Variants in WDPCP observed in about 807,000 individuals in gnomAD.
WDPCP encodes the protein WD repeat containing planar cell polarity effector.
A neutral mutation model predicts 93.1 loss-of-function variants in WDPCP; 71 were observed. The observed-to-expected ratio is 0.76, with a 90% CI of 0.63 to 0.93. The LOEUF is 0.93. WDPCP is among the 40% of genes least tolerant of loss of function. The pLI, the probability that WDPCP is intolerant of heterozygous loss-of-function variation, is 0.00. For missense variants in WDPCP, 844 were observed against 887.4 expected (o/e 0.95, Z 0.62); for synonymous variants, 315 against 315.0 (o/e 1.00, Z 0.00).
intron 6 of WDPCP, among the ~76,000 whole-genome samples, chr2:63,472,825 G>C (rs1173864558): frequency 2.0e-5 from 3 of 152,200 alleles, no homozygotes; most frequent in African/African-American, 7.2e-5. Flanking sequence ...CCCCCAAAGT[G>C]CTAGGATTAC....
At chr2:63,547,805 G>C (rs1055630256) in intron 1 of WDPCP, among the ~76,000 whole-genome samples, 1 of 151,802 alleles carries the variant, frequency 6.6e-6, no homozygotes, top group Admixed American at 6.6e-5. Context: ...GGTACCAGAG[G>C]CTGGGAAGGT....
intron 15 of WDPCP, among the ~76,000 whole-genome samples, chr2:63,163,245 C>G (rs1035416161): frequency 3.9e-5 from 6 of 152,280 alleles, no homozygotes; most frequent in African/African-American, 1.4e-4. Flanking sequence ...GCTATAGAGT[C>G]AGTGAAAACG....
chr2:63,121,899 T>C lies in WDPCP; in HGVS notation c.*107A>G. On this transcript the variant is annotated 3_prime_UTR_variant, in exon 18 of 18. Coordinates refer to ENST00000272321, the MANE Select transcript of WDPCP (RefSeq NM_015910.7). ...ACTCAAAACTCTTAACTAATTTATA[T>C]GATTCATACTGTCTCTTGTTAAAAA... 1 of 1,540,696 alleles carries C rather than the reference T, an allele frequency of 6.5e-7. No individual in the cohort carries two copies. Among genetic ancestry groups the C allele is most frequent in the East Asian group, 2.3e-5 (1 of 44,076 alleles).
chr2:63,304,406 T>C (rs1358080119), intron 13 of WDPCP, among the ~76,000 whole-genome samples: 1 of 152,052 alleles, frequency 6.6e-6, no homozygotes, highest in South Asian at 2.1e-4. Context: ...TGAGACTGGT[T>C]AGATGGTGGG....
At chr2:63,808,311 C>T (rs1012039819) in intron 2 of WDPCP, among the ~76,000 whole-genome samples, 2 of 133,238 alleles carry the variant, frequency 1.5e-5, no homozygotes, top group Non-Finnish European at 3.3e-5. Flanking sequence ...TCCCTCTCCC[C>T]TCTCCCTCTC....
intron 10 of WDPCP, among the ~76,000 whole-genome samples, chr2:63,393,500 G>A (rs1693454394): frequency 6.6e-6 from 1 of 151,628 alleles, no homozygotes; most frequent in Admixed American, 6.6e-5. Context: ...TGCATGTTGT[G>A]CACATGTACC....
At chr2:63,654,568 T>A (rs1340810549) in intron 2 of WDPCP, among the ~76,000 whole-genome samples, 2 of 152,194 alleles carry the variant, frequency 1.3e-5, no homozygotes, top group East Asian at 1.9e-4. Flanking sequence ...AAGGACAAAC[T>A]TTCCACAATA....
intron 10 of WDPCP, among the ~76,000 whole-genome samples, chr2:63,396,881 A>G (rs1693770269): frequency 6.6e-6 from 1 of 152,142 alleles, no homozygotes; most frequent in South Asian, 2.1e-4. Flanking sequence ...AGTTGTCAGC[A>G]TTTAGCTCCC....
intron 1 of WDPCP, among the ~76,000 whole-genome samples, chr2:63,820,004 C>T (rs1006989135): frequency 6.6e-6 from 1 of 152,162 alleles, no homozygotes; most frequent in South Asian, 2.1e-4. Flanking sequence ...CAGTAAGGAA[C>T]TGTGGGAAGA....
chr2:63,459,330 T>C (rs1157976038), intron 6 of WDPCP, among the ~76,000 whole-genome samples: 1 of 152,024 alleles, frequency 6.6e-6, no homozygotes, highest in Non-Finnish European at 1.5e-5. Flanking sequence ...AATAGGGGAC[T>C]ACTAATACCC....
At chr2:63,357,743 A>T (rs1198402217) in intron 12 of WDPCP, among the ~76,000 whole-genome samples, 4 of 152,158 alleles carry the variant, frequency 2.6e-5, no homozygotes, top group African/African-American at 9.7e-5. Context: ...TGACCCAGCA[A>T]TCTCATTACT....
chr2:63,348,563 C>T (rs185571912), intron 12 of WDPCP, among the ~76,000 whole-genome samples: 1 of 152,198 alleles, frequency 6.6e-6, no homozygotes, highest in Admixed American at 6.5e-5. Flanking sequence ...AATAGACTGA[C>T]TCTATTACCA....
intron 3 of WDPCP, among the ~76,000 whole-genome samples, chr2:63,602,026 C>T (rs1709428480): frequency 6.6e-6 from 1 of 152,116 alleles, no homozygotes; most frequent in African/African-American, 2.4e-5. Context: ...AGCTGGGTAC[C>T]CCAGAAACCC....
chr2:63,568,495 A>C (rs1707243152), intron 1 of WDPCP, among the ~76,000 whole-genome samples: 1 of 152,246 alleles, frequency 6.6e-6, no homozygotes, highest in Admixed American at 6.5e-5. Context: ...GCACTTGAAC[A>C]TAAATTTAAT....
chr2:63,181,852 C>T (rs1674267845), intron 14 of WDPCP, among the ~76,000 whole-genome samples: 1 of 151,654 alleles, frequency 6.6e-6, no homozygotes, highest in Non-Finnish European at 1.5e-5. Context: ...TGTATGATTT[C>T]TATCATCAGT....
chr2:63,462,275 T>A (rs2105759738), intron 6 of WDPCP, among the ~76,000 whole-genome samples: 1 of 152,230 alleles, frequency 6.6e-6, no homozygotes, highest in East Asian at 1.9e-4. Flanking sequence ...CTGCATATTC[T>A]CACTCATAGG....
At chr2:63,209,303 G>A (rs1192790599) in intron 14 of WDPCP, among the ~76,000 whole-genome samples, 1 of 152,144 alleles carries the variant, frequency 6.6e-6, no homozygotes, top group Non-Finnish European at 1.5e-5. Context: ...CTTGGCTGAG[G>A]TTTCACTGGA....
intron 10 of WDPCP, among the ~76,000 whole-genome samples, chr2:63,383,183 A>G (rs1692457659): frequency 6.6e-6 from 1 of 152,182 alleles, no homozygotes; most frequent in South Asian, 2.1e-4. Flanking sequence ...TGTACAAAAA[A>G]GCAAAGATAT....
intron 2 of WDPCP, among the ~76,000 whole-genome samples, chr2:63,688,523 G>GTGAGGATGATTAAAGGGTGCAAA (rs58986536): frequency 6.6e-6 from 1 of 151,730 alleles, no homozygotes; most frequent in Non-Finnish European, 1.5e-5. Flanking sequence ...GTTGGGGAGA[G>GTGAGGATGATTAAAGGGTGCAAA]AAATAGTTAG....
Sources: allele counts gnomAD v4.1 joint callset (sites outside exome capture counted in the v4.1 genomes callset), GRCh38; gene constraint gnomAD v4.1.1; transcripts MANE v1.5; gene names NCBI Gene and HGNC (gene_info 2026-07-23, HGNC 2026-07-21).